Variants in FRMPD3 observed in about 807,000 individuals in gnomAD.
FRMPD3 encodes FERM and PDZ domain-containing protein 3.
Under a neutral mutation model 97.9 loss-of-function variants are expected in FRMPD3, and 42 were observed. That is an observed-to-expected ratio of 0.43 (90% CI 0.34 to 0.55). The LOEUF (loss-of-function observed/expected upper bound fraction) is 0.55. Among genes scored for constraint, FRMPD3 ranks in the 20% least tolerant of loss-of-function variants. The pLI, the probability that FRMPD3 is intolerant of heterozygous loss-of-function variation, is 0.03. For missense variants in FRMPD3, 1,303 were observed against 1,457.7 expected (o/e 0.89, Z 1.73); for synonymous variants, 577 against 581.1 (o/e 0.99, Z 0.10).
intron 1 of FRMPD3, among the ~76,000 whole-genome samples, chrX:107,470,870 G>C (rs939975427): frequency 8.9e-6 from 1 of 112,454 alleles, no homozygotes; most frequent in Non-Finnish European, 1.9e-5. Context: ...AGAGCAAAGA[G>C]AGGAACCAAA....
chrX:107,469,343 G>T (rs1445561929), intron 1 of FRMPD3, among the ~76,000 whole-genome samples: 1 of 111,488 alleles, frequency 9.0e-6, no homozygotes, highest in Non-Finnish European at 1.9e-5. Context: ...GGCAAAGATG[G>T]CTTAAAATGG....
intron 13 of FRMPD3, among the ~76,000 whole-genome samples, chrX:107,584,570 A>G (rs1383012552): frequency 1.8e-5 from 2 of 111,458 alleles, no homozygotes; most frequent in African/African-American, 6.5e-5. Context: ...AGTTTTTATG[A>G]TTTGGGGTTT....
chrX:107,450,601 CAGAG>C lies in FRMPD3; in HGVS notation c.-8+611_-8+614del, dbSNP rs112135759. On this transcript the variant is annotated intron_variant, in intron 1 of 14. Coordinates refer to ENST00000683843, the MANE Select transcript of FRMPD3 (RefSeq NM_001388459.1). ...ACACACACACACACACACACACACA[CAGAG>C]AGAGAGAGAGAGAGCGCGAGCTACA... is the stretch of plus-strand genomic sequence containing the variant. Among the ~76,000 whole-genome samples, 105 of 93,398 alleles carry C rather than the reference CAGAG, an allele frequency of 1.1e-3. 2 individuals carry two copies. The highest frequency in any genetic ancestry group is 2.7e-3 in the African/African-American group (66 of 24,837). 81.1% of individuals were successfully genotyped at this position (93,398 alleles called of 115,157 possible). A position where few individuals can be genotyped will look rare whatever the true frequency, so the allele number is the denominator to read the frequency against.
At chrX:107,490,463 C>A (rs1470037405) in intron 1 of FRMPD3, among the ~76,000 whole-genome samples, 1 of 111,889 alleles carries the variant, frequency 8.9e-6, no homozygotes, top group African/African-American at 3.3e-5. Context: ...TTCTTCCTAC[C>A]CATGAGCATG....
At chrX:107,526,301 A>G (rs912749428) in intron 1 of FRMPD3, among the ~76,000 whole-genome samples, 3 of 111,344 alleles carry the variant, frequency 2.7e-5, no homozygotes, top group Non-Finnish European at 3.8e-5. Context: ...TGGAGTTCCA[A>G]TATCTGAGAG....
At chrX:107,548,746 A>C (rs977121355) in intron 5 of FRMPD3, among the ~76,000 whole-genome samples, 1 of 112,508 alleles carries the variant, frequency 8.9e-6, no homozygotes, top group African/African-American at 3.2e-5. Context: ...TGGGAGGCTG[A>C]GGTAGAAGGA....
At chrX:107,591,136 T>A (rs1018900478) in intron 13 of FRMPD3, among the ~76,000 whole-genome samples, 1 of 110,320 alleles carries the variant, frequency 9.1e-6, no homozygotes. Flanking sequence ...GCAAATTGTA[T>A]ATTTCTTTCT....
In FRMPD3 at chrX:107,603,743, G is replaced by GATCT; in HGVS notation, c.*371_*372insTCTA. 1.3e-5 allele frequency: 2 copies of GATCT among 153,328 alleles called. No individual in the cohort carries two copies. Among genetic ancestry groups the GATCT allele is most frequent in the Admixed American group, 7.3e-5 (1 of 13,734 alleles). 12.6% of individuals were successfully genotyped at this position (153,328 alleles called of 1,213,427 possible). ...GGGGAGCCAGGGCCTGAAGCAAGCG[G>GATCT]ACCCTCAGGCTTTGAGCTCCTCGTG... is the stretch of plus-strand genomic sequence containing the variant. On this transcript the variant is annotated 3_prime_UTR_variant, in exon 15 of 15. Coordinates refer to ENST00000683843, the MANE Select transcript of FRMPD3 (RefSeq NM_001388459.1).
Position 107,592,762 on chromosome X carries a change from A to AT in FRMPD3, c.1442-4549dup, listed in dbSNP as rs57107590. 2.2e-4 allele frequency among the ~76,000 whole-genome samples: 15 copies of AT among 68,664 alleles called. 1 individual carries two copies. Among genetic ancestry groups the AT allele is most frequent in the South Asian group, 6.1e-4 (1 of 1,636 alleles). 59.6% of individuals were successfully genotyped at this position (68,664 alleles called of 115,157 possible). A position where few individuals can be genotyped will look rare whatever the true frequency, so the allele number is the denominator to read the frequency against. On this transcript the variant is annotated intron_variant, in intron 13 of 14. Transcript: ENST00000683843. ...TTTCACCATATCCACACCAACACAT[A>AT]TTTTTTTTTTATTTTTAAATTATGA...
intron 1 of FRMPD3, among the ~76,000 whole-genome samples, chrX:107,460,822 G>A (rs758268691): frequency 1.8e-5 from 2 of 111,341 alleles, no homozygotes; most frequent in African/African-American, 6.5e-5. Context: ...CCTGTGTGCC[G>A]CACTGGCTCT....
intron 12 of FRMPD3, among the ~76,000 whole-genome samples, chrX:107,566,655 T>C (rs1332017516): frequency 2.6e-5 from 3 of 113,263 alleles, no homozygotes; most frequent in Non-Finnish European, 5.6e-5. Flanking sequence ...TTAAGTGCTT[T>C]AAGAAAAAAA....
intron 1 of FRMPD3, among the ~76,000 whole-genome samples, chrX:107,503,558 T>C (rs1462487834): frequency 8.9e-6 from 1 of 112,221 alleles, no homozygotes; most frequent in Non-Finnish European, 1.9e-5. Context: ...TGAGGGAAAA[T>C]ACCAGAATAT....
intron 1 of FRMPD3, among the ~76,000 whole-genome samples, chrX:107,503,424 G>A (rs192047978): frequency 8.9e-6 from 1 of 112,305 alleles, no homozygotes; most frequent in African/African-American, 3.2e-5. Flanking sequence ...AGGAAGGGAA[G>A]GTGTGGGGTC....
chrX:107,587,456 G>T (rs749913503), intron 13 of FRMPD3, among the ~76,000 whole-genome samples: 1 of 111,497 alleles, frequency 9.0e-6, no homozygotes, highest in African/African-American at 3.3e-5. Flanking sequence ...TGCATTTAAG[G>T]TTAGTATTGT....
At chrX:107,515,618 T>G (rs1459467073) in intron 1 of FRMPD3, among the ~76,000 whole-genome samples, 1 of 111,830 alleles carries the variant, frequency 8.9e-6, no homozygotes, top group Non-Finnish European at 1.9e-5. Context: ...TTTGAGGAAT[T>G]TTGTTGCCCA....
intron 1 of FRMPD3, among the ~76,000 whole-genome samples, chrX:107,489,561 T>C (rs1484261121): frequency 8.9e-6 from 1 of 112,415 alleles, no homozygotes; most frequent in Non-Finnish European, 1.9e-5. Flanking sequence ...CATTGTGGTT[T>C]TGATTTGCAT....
At chrX:107,562,980 C>T in intron 10 of FRMPD3, 131 bp from the exon 11 acceptor site, 2 of 470,756 alleles carry the variant, frequency 4.2e-6, no homozygotes, top group Admixed American at 7.3e-5. Flanking sequence ...AGAAGGGCAT[C>T]TTCACATCTC....
chrX:107,601,365 T>A lies in FRMPD3; in HGVS notation c.3326T>A (p.Leu1109Gln). The A allele has an allele frequency of 8.3e-7, 1 of 1,208,228 alleles. No individual in the cohort carries two copies. Among genetic ancestry groups the A allele is most frequent in the Non-Finnish European group, 1.1e-6 (1 of 893,998 alleles). Residue 1109 changes from leucine (L) to glutamine (Q), a missense_variant, in exon 15 of 15, where the codon CTG (leucine) becomes CAG (glutamine). Physicochemically the swap from Leu to Gln is moderately radical, Grantham distance 113. Around this residue, in one of 3 missense-constraint regions of FRMPD3, gnomAD observed 764 missense variants for 820.2 expected, o/e 0.93. Coordinates refer to ENST00000683843, the MANE Select transcript of FRMPD3 (RefSeq NM_001388459.1). ...TISSQGEKAQ[L>Q]ESTPKRSKLE... ...TCCAGCCAAGGGGAGAAGGCGCAGCTGGAGAGCACACCCAAAAGAAGCAAG... is the reference window on the plus strand; with the variant it reads ...TCCAGCCAAGGGGAGAAGGCGCAGCAGGAGAGCACACCCAAAAGAAGCAAG...
intron 13 of FRMPD3, 60 bp from the exon 14 acceptor site, chrX:107,597,261 G>A: frequency 1.0e-6 from 1 of 992,806 alleles, no homozygotes; most frequent in Non-Finnish European, 1.4e-6. Context: ...AGACAACAAG[G>A]GAGCTCATTC....
Sources: gnomAD v4.1 joint callset for allele counts (sites outside exome capture counted in the v4.1 genomes callset) on GRCh38, gnomAD v4.1.1 for gene constraint, gnomAD v4.1.1 regional missense constraint, MANE v1.5 for transcripts, NCBI Gene and HGNC (gene_info 2026-07-23, HGNC 2026-07-21) for gene names.